CASZ1: variants seen among roughly 807,000 people sequenced by gnomAD.
CASZ1 encodes the protein castor zinc finger 1.
A neutral mutation model predicts 135.2 loss-of-function variants in CASZ1; 28 were observed. That is an observed-to-expected ratio of 0.21 (90% confidence interval 0.15 to 0.28). The LOEUF is 0.28. Among genes scored for constraint, CASZ1 ranks in the 10% least tolerant of loss-of-function variants. The pLI is 1.00. For missense variants in CASZ1, 2,161 were observed against 2,453.3 expected, an observed-to-expected ratio of 0.88 and a Z score of 2.52; for synonymous variants, 1,068 against 1,073.4, an observed-to-expected ratio of 0.99 and a Z score of 0.10.
At chr1:10,748,002 T>G (rs1640076392) in intron 2 of CASZ1, among the ~76,000 whole-genome samples, 3 of 152,134 alleles carry the variant, frequency 2.0e-5, no homozygotes, top group African/African-American at 7.2e-5. Flanking sequence ...TATTTTTTAG[T>G]GGAGACGGGG....
chr1:10,645,014 G>T lies in CASZ1; in HGVS notation c.3771C>A (p.Thr1257=). The T allele has an allele frequency of 6.2e-7, 1 of 1,614,074 alleles. No homozygotes were observed. ...GCTTCTTGATGTGCCAGGGGAGCTTGGTGGTGATGTTGGTCACAAAATAGC... is the reference window on the plus strand; with the variant it reads ...GCTTCTTGATGTGCCAGGGGAGCTTTGTGGTGATGTTGGTCACAAAATAGC... ...TGCYFVTNIT[T]KLPWHIKKHE... The change falls in exon 18 of 21, where the codon ACC becomes ACA. Residue 1257 remains threonine (T), a synonymous_variant. Transcript: ENST00000377022.
chr1:10,686,210 A>C (rs1638582405), intron 4 of CASZ1, among the ~76,000 whole-genome samples: 1 of 152,226 alleles, frequency 6.6e-6, no homozygotes, highest in Non-Finnish European at 1.5e-5. Context: ...TCAAGGTCAC[A>C]GGGCCGTCCA....
intron 2 of CASZ1, among the ~76,000 whole-genome samples, chr1:10,754,788 T>G (rs546006713): frequency 6.6e-6 from 1 of 152,364 alleles, no homozygotes; most frequent in South Asian, 2.1e-4. Flanking sequence ...TCGGATTGTT[T>G]TGACTTGAGT....
chr1:10,783,246 A>AGTGTGTGTGTGTGT (rs70997266), intron 1 of CASZ1, among the ~76,000 whole-genome samples: 1 of 148,146 alleles, frequency 6.8e-6, no homozygotes, highest in African/African-American at 2.5e-5. Flanking sequence ...CCAGTGGAGA[A>AGTGTGTGTGTGTGT]GTGTGTGTGT....
chr1:10,639,373 C>G lies in CASZ1; in HGVS notation c.4849G>C (p.Asp1617His). 6.5e-7 allele frequency: 1 copy of G among 1,540,466 alleles called. No homozygotes were observed. The highest frequency in any genetic ancestry group is 2.5e-5 in the East Asian group (1 of 40,736). ...GPAPGPPISL[D>H]GSLSLGAEPG... ...TCGGCGCCCAGCGACAGGGAGCCGT[C>G]CAGACTGATGGGAGGCCCGGGCGCG... The change falls in exon 21 of 21, where the codon GAC (aspartate) becomes CAC (histidine). Residue 1617 changes from aspartate (D) to histidine (H), a missense_variant. Around this residue, in one of 7 missense-constraint regions of CASZ1, gnomAD observed 240 missense variants for 321.4 expected, o/e 0.75. Coordinates refer to ENST00000377022, the MANE Select transcript of CASZ1 (RefSeq NM_001079843.3). The surrounding 1 kb of genome is among the most constrained non-coding windows in gnomAD (Gnocchi z 4.0).
chr1:10,640,301 C>G (rs45606034), intron 20 of CASZ1, among the ~76,000 whole-genome samples: 31 of 152,276 alleles, frequency 2.0e-4, no homozygotes, highest in Admixed American at 1.2e-3. Flanking sequence ...GCCTCTCCCC[C>G]GGGGGGTGGC....
intron 4 of CASZ1, among the ~76,000 whole-genome samples, chr1:10,675,633 GATT>G (rs1185607728): frequency 6.6e-6 from 1 of 152,144 alleles, no homozygotes; most frequent in East Asian, 1.9e-4. Context: ...TGCAGTTAAT[GATT>G]CCTGGGGCTG....
chr1:10,639,866 G>C lies in CASZ1; in HGVS notation c.4356C>G (p.Leu1452=), dbSNP rs1222791142. 1 of 1,612,234 alleles carries C rather than the reference G, an allele frequency of 6.2e-7. No homozygotes were observed. The highest frequency in any genetic ancestry group is 1.1e-5 in the South Asian group (1 of 90,910). The change falls in exon 21 of 21, where the codon CTC becomes CTG. Residue 1452 remains leucine, a synonymous_variant. Coordinates refer to ENST00000377022, the MANE Select transcript of CASZ1 (RefSeq NM_001079843.3). The surrounding 1 kb of genome is among the most constrained non-coding windows in gnomAD (Gnocchi z 4.0). ...GCGTGCAGTGGTAGTGGGTGACCTTGAGCGAGAACTGACAAGCTGCGTCCT... is the reference window on the plus strand; with the variant it reads ...GCGTGCAGTGGTAGTGGGTGACCTTCAGCGAGAACTGACAAGCTGCGTCCT... ...DCKDAACQFS[L]KVTHYHCTRE... is the part of the protein sequence containing the mutation.
chr1:10,654,256 G>A, intron 10 of CASZ1, 38 bp from the exon 11 acceptor site: 1 of 1,599,356 alleles, frequency 6.3e-7, no homozygotes, highest in Non-Finnish European at 8.5e-7. Context: ...GAGACCCAGA[G>A]GAGGCCCCAC....
chr1:10,660,852 T>A (rs1643000731), intron 5 of CASZ1: 1 of 372,832 alleles, frequency 2.7e-6, no homozygotes, highest in South Asian at 3.5e-5. Flanking sequence ...CTCTCTCGCC[T>A]TGGCCTAATA....
chr1:10,659,292 G>T (rs1245674650), intron 6 of CASZ1, among the ~76,000 whole-genome samples: 2 of 151,876 alleles, frequency 1.3e-5, no homozygotes, highest in African/African-American at 4.9e-5. Context: ...ATGGCAGCAG[G>T]TAGAGAAAGC....
At chr1:10,790,649 C>T (rs1640940254) in intron 1 of CASZ1, among the ~76,000 whole-genome samples, 1 of 152,234 alleles carries the variant, frequency 6.6e-6, no homozygotes, top group African/African-American at 2.4e-5. Flanking sequence ...ATTCCGTGGA[C>T]TCACAGCCTT....
Position 10,647,310 on chromosome 1 carries a change from TGAG to T in CASZ1, c.3497+488_3497+490del. On this transcript the variant is annotated intron_variant, in intron 16 of 20. Coordinates refer to ENST00000377022, the MANE Select transcript of CASZ1 (RefSeq NM_001079843.3). This position sits in a 1 kb window ranked among gnomAD's most constrained non-coding sequence, Gnocchi z 4.9. ...CCTGCAAGGAGCCACCACCATCCAGTGAGGAGGGTCCCTTCCACCCAAGAGCTC... is the reference window on the plus strand; with the variant it reads ...CCTGCAAGGAGCCACCACCATCCAGTGAGGGTCCCTTCCACCCAAGAGCTC... 1 of 1,003,116 alleles carries T rather than the reference TGAG, an allele frequency of 1.0e-6. No homozygotes were observed. Among genetic ancestry groups the T allele is most frequent in the Non-Finnish European group, 1.2e-6 (1 of 839,620 alleles). 62.1% of individuals were successfully genotyped at this position (1,003,116 alleles called of 1,614,324 possible).
rs1301876998 is a variant in CASZ1, at chr1:10,739,914, C to T, written c.-77+20787G>A. On this transcript the variant is annotated intron_variant, in intron 2 of 20. Transcript: ENST00000377022. The surrounding 1 kb of genome is among the most constrained non-coding windows in gnomAD (Gnocchi z 4.8). ...GAGTCCCTCCTGAAAGGGCGAAACT[C>T]AGTCGTTCAGGGAGAAAGGGACCAC... Among the ~76,000 whole-genome samples the T allele has an allele frequency of 6.6e-6, 1 of 152,198 alleles. No homozygotes were observed. Among genetic ancestry groups the T allele is most frequent in the African/African-American group, 2.4e-5 (1 of 41,448 alleles).
Position 10,699,526 on chromosome 1 carries a change from G to A in CASZ1, c.-23-5614C>T, listed in dbSNP as rs1639014990. ...CAGCCCTGGCAGATCCAGGACAGTC[G>A]GCAGAAGTCTTGCTGGCAGCCCAGC... On this transcript the variant is annotated intron_variant, in intron 3 of 20. Transcript: ENST00000377022. The surrounding 1 kb of genome is among the most constrained non-coding windows in gnomAD (Gnocchi z 4.6). Among the ~76,000 whole-genome samples the A allele has an allele frequency of 2.0e-5, 3 of 152,194 alleles. No homozygotes were observed. Among genetic ancestry groups the A allele is most frequent in the Admixed American group, 6.5e-5 (1 of 15,284 alleles).
intron 5 of CASZ1, among the ~76,000 whole-genome samples, chr1:10,661,997 TCA>T (rs1643049177): frequency 6.6e-6 from 1 of 151,040 alleles, no homozygotes. Context: ...ATGCACACAA[TCA>T]CATACAACAC....
At chr1:10,781,277 G>T (rs554434097) in intron 1 of CASZ1, among the ~76,000 whole-genome samples, 1 of 152,378 alleles carries the variant, frequency 6.6e-6, no homozygotes, top group East Asian at 1.9e-4. Context: ...CGGAGGACAT[G>T]CAGGGAGATC....
rs964766737 is a variant in CASZ1 at position 10,759,880 on chromosome 1, C to A, written c.-77+821G>T. On this transcript the variant is annotated intron_variant, in intron 2 of 20. Transcript: ENST00000377022. The surrounding 1 kb of genome is among the most constrained non-coding windows in gnomAD (Gnocchi z 4.2). ...TCTGCTTCCACCCCTAGACCTTGCC[C>A]GTGAACTTCGCAAACACCCAATCCC... Among the ~76,000 whole-genome samples, 1 of 152,194 alleles carries A rather than the reference C, an allele frequency of 6.6e-6. No homozygotes were observed. Among genetic ancestry groups the A allele is most frequent in the South Asian group, 2.1e-4 (1 of 4,834 alleles).
At chr1:10,791,746 AGAG>A (rs1640959934) in intron 1 of CASZ1, among the ~76,000 whole-genome samples, 1 of 20,922 alleles carries the variant, frequency 4.8e-5, no homozygotes, top group Non-Finnish European at 3.1e-4. Context: ...AAAGAGGGGG[AGAG>A]AGAGAGAGAG....
Sources: gnomAD v4.1 joint callset for allele counts (sites outside exome capture counted in the v4.1 genomes callset) on GRCh38, gnomAD v4.1.1 for gene constraint, gnomAD v4.1.1 regional missense constraint, Gnocchi (gnomAD v3.1) non-coding constraint, MANE v1.5 for transcripts, NCBI Gene and HGNC (gene_info 2026-07-23, HGNC 2026-07-21) for gene names.